WDFY3: variants seen among roughly 807,000 people sequenced by gnomAD.
WDFY3 encodes the protein WD repeat and FYVE domain containing 3.
Under a neutral mutation model 409.6 loss-of-function variants are expected in WDFY3, and 66 were observed. That is an observed-to-expected ratio of 0.16 (90% CI 0.13 to 0.20). The LOEUF is 0.20. Ranked by LOEUF, WDFY3 falls within the 10% of genes least tolerant of loss-of-function variation. The pLI, the probability that WDFY3 is intolerant of heterozygous loss-of-function variation, is 1.00. For synonymous variants in WDFY3, 1,521 were observed against 1,537.1 expected (o/e 0.99, Z 0.25); for missense variants, 3,031 against 4,298.1 (o/e 0.71, Z 8.24).
intron 1 of WDFY3, among the ~76,000 whole-genome samples, chr4:84,955,428 G>A (rs1420102712): frequency 1.3e-5 from 2 of 152,094 alleles, no homozygotes; most frequent in Non-Finnish European, 2.9e-5. Flanking sequence ...CATACCCTGG[G>A]CCTGCTGCCT....
At chr4:84,822,454 G>T (rs373534534) in intron 10 of WDFY3, among the ~76,000 whole-genome samples, 1 of 152,020 alleles carries the variant, frequency 6.6e-6, no homozygotes, top group East Asian at 1.9e-4. Flanking sequence ...GGTAGTCCTA[G>T]CACTTTGGGA....
At chr4:84,729,622 A>G (rs1204360547) in intron 44 of WDFY3, among the ~76,000 whole-genome samples, 8 of 151,998 alleles carry the variant, frequency 5.3e-5, no homozygotes, top group Non-Finnish European at 1.2e-4. Flanking sequence ...AACTTAGACT[A>G]GGTAAGCTAT....
At chr4:84,735,163 C>G in intron 42 of WDFY3, 43 bp from the exon 43 acceptor site, 1 of 1,553,706 alleles carries the variant, frequency 6.4e-7, no homozygotes, top group Non-Finnish European at 8.8e-7. Flanking sequence ...TCATGGATTT[C>G]TGGAAAAAAA....
intron 58 of WDFY3, among the ~76,000 whole-genome samples, chr4:84,694,066 A>G (rs1729708374): frequency 1.3e-5 from 2 of 152,178 alleles, no homozygotes; most frequent in Non-Finnish European, 2.9e-5. Flanking sequence ...CACTTTGTAA[A>G]TTAGATATTT....
In WDFY3 at chr4:84,690,565, C is replaced by A; in HGVS notation, c.9304G>T (p.Val3102Leu). The A allele has an allele frequency of 1.2e-6, 2 of 1,614,206 alleles. No individual in the cohort carries two copies. Among genetic ancestry groups the A allele is most frequent in the Non-Finnish European group, 1.7e-6 (2 of 1,180,030 alleles). ...GAGGTGCCCATCTCCCACACACACA[C>A]AACCGTGCTTGTTCCACCCGTGATG... ...LVITGGTSTV[V>L]CVWEMGTSKE... The change falls in exon 61 of 68, where the codon GTG becomes TTG. Residue 3102 changes from valine to leucine, a missense_variant. By Grantham distance (32) the Val-to-Leu change is conservative. Around this residue, in one of 16 missense-constraint regions of WDFY3, gnomAD observed 152 missense variants for 193.5 expected, o/e 0.79. Transcript: ENST00000295888.
chr4:84,801,871 T>A lies in WDFY3; in HGVS notation c.2608-7A>T. 1 of 1,611,906 alleles carries A rather than the reference T, an allele frequency of 6.2e-7. No homozygotes were observed. The highest frequency in any genetic ancestry group is 8.5e-7 in the Non-Finnish European group (1 of 1,178,274). ...GTTGAAGATCCAAAGCATGCTAAAA[T>A]CAACAAAGAAATCCACACAGTCAGG... On this transcript the variant is annotated splice_polypyrimidine_tract_variant and splice_region_variant and intron_variant, in intron 16 of 67. Transcript: ENST00000295888.
intron 19 of WDFY3, 51 bp downstream of exon 19, chr4:84,796,470 C>A: frequency 8.4e-7 from 1 of 1,185,158 alleles, no homozygotes; most frequent in Non-Finnish European, 1.1e-6. Flanking sequence ...TTTGTAAAGG[C>A]AAGTATGACG....
At chr4:84,816,767 C>A (rs1345865677) in intron 13 of WDFY3, among the ~76,000 whole-genome samples, 2 of 151,986 alleles carry the variant, frequency 1.3e-5, no homozygotes, top group African/African-American at 4.8e-5. Flanking sequence ...GTGTATAAAT[C>A]TGTATAAAAC....
At chr4:84,714,548 G>A (rs185077611) in intron 50 of WDFY3, among the ~76,000 whole-genome samples, 1,545 of 152,264 alleles carry the variant, frequency 0.01, 16 homozygotes, top group Non-Finnish European at 0.013. Context: ...CATGGCCAGA[G>A]AAAAGTCCCA....
chr4:84,898,921 C>T (rs74387088), intron 2 of WDFY3, among the ~76,000 whole-genome samples: 17,684 of 152,176 alleles, frequency 0.12, 1,796 homozygotes, highest in African/African-American at 0.27. Flanking sequence ...AACAAAGATA[C>T]GATCTCACAG....
chr4:84,834,138 A>C (rs546857098), intron 7 of WDFY3, among the ~76,000 whole-genome samples: 1 of 152,310 alleles, frequency 6.6e-6, no homozygotes, highest in South Asian at 2.1e-4. Flanking sequence ...TTAGCGAGAC[A>C]AATGCCAGTT....
intron 44 of WDFY3, among the ~76,000 whole-genome samples, chr4:84,729,550 T>A (rs1310625766): frequency 1.3e-5 from 2 of 151,956 alleles, no homozygotes; most frequent in African/African-American, 4.8e-5. Flanking sequence ...CGCTTTAAAG[T>A]CTGAATATGT....
chr4:84,784,401 T>A (rs752082571), intron 24 of WDFY3, among the ~76,000 whole-genome samples: 4 of 152,154 alleles, frequency 2.6e-5, no homozygotes, highest in Non-Finnish European at 4.4e-5. Flanking sequence ...CTCCCAACTC[T>A]ACTCTTTTTG....
chr4:84,886,185 C>G (rs903919347), intron 3 of WDFY3, among the ~76,000 whole-genome samples: 1 of 152,108 alleles, frequency 6.6e-6, no homozygotes, highest in African/African-American at 2.4e-5. Flanking sequence ...ATGGTTGTAT[C>G]TGTCCTTCAT....
At chr4:84,875,909 G>T (rs1275503107) in intron 3 of WDFY3, among the ~76,000 whole-genome samples, 1 of 152,104 alleles carries the variant, frequency 6.6e-6, no homozygotes. Flanking sequence ...CCTCCTGAAG[G>T]ACCTGCCTGA....
At chr4:84,866,279 A>G (rs1272752696) in intron 3 of WDFY3, among the ~76,000 whole-genome samples, 1 of 152,166 alleles carries the variant, frequency 6.6e-6, no homozygotes, top group Admixed American at 6.5e-5. Context: ...TCTAAGGCCA[A>G]TATGTGTTGA....
At chr4:84,712,726 T>TA (rs1434889667) in intron 51 of WDFY3, among the ~76,000 whole-genome samples, 4 of 151,534 alleles carry the variant, frequency 2.6e-5, no homozygotes, top group South Asian at 2.1e-4. Context: ...TAACAATAAT[T>TA]AAAAAAAAGC....
At chr4:84,944,653 G>A (rs980612391) in intron 1 of WDFY3, among the ~76,000 whole-genome samples, 39 of 147,672 alleles carry the variant, frequency 2.6e-4, no homozygotes, top group Middle Eastern at 4.2e-3. Flanking sequence ...GTGAAACAAC[G>A]TCTCTACTAA....
chr4:84,790,242 C>T (rs1282103264), intron 21 of WDFY3, among the ~76,000 whole-genome samples: 3 of 151,720 alleles, frequency 2.0e-5, no homozygotes, highest in Non-Finnish European at 2.9e-5. Context: ...TCCAGCTACT[C>T]GGGAGGCTGA....
Sources: gnomAD v4.1 joint callset for allele counts (sites outside exome capture counted in the v4.1 genomes callset) on GRCh38, gnomAD v4.1.1 for gene constraint, gnomAD v4.1.1 regional missense constraint, MANE v1.5 for transcripts, NCBI Gene and HGNC (gene_info 2026-07-23, HGNC 2026-07-21) for gene names.